Variants in DLG2 observed in about 807,000 individuals in gnomAD.
The protein encoded by DLG2 is disks large homolog 2.
DLG2 carries 45 observed loss-of-function variants against 132.5 expected under a neutral mutation model. That is an observed-to-expected ratio of 0.34 (90% CI 0.27 to 0.44). DLG2 has a LOEUF of 0.44. Among genes scored for constraint, DLG2 ranks in the 20% least tolerant of loss-of-function variants. The pLI, the probability that DLG2 is intolerant of heterozygous loss-of-function variation, is 1.00. For synonymous variants in DLG2, 424 were observed against 419.6 expected (o/e 1.01, Z -0.13); for missense variants, 1,045 against 1,196.9 (o/e 0.87, Z 1.87).
At chr11:84,263,381 G>C (rs1298447107) in intron 7 of DLG2, among the ~76,000 whole-genome samples, 1 of 152,116 alleles carries the variant, frequency 6.6e-6, no homozygotes, top group Non-Finnish European at 1.5e-5. Context: ...ATAGAAATTG[G>C]TTTCTAATGA....
At chr11:85,369,741 T>A (rs556985143) in intron 3 of DLG2, among the ~76,000 whole-genome samples, 1 of 152,238 alleles carries the variant, frequency 6.6e-6, no homozygotes, top group East Asian at 1.9e-4. Flanking sequence ...TATCTGCAGG[T>A]TTTCCTAGCC....
intron 14 of DLG2, among the ~76,000 whole-genome samples, chr11:83,947,437 C>CA (rs1473169253): frequency 5.3e-5 from 8 of 152,120 alleles, no homozygotes; most frequent in Non-Finnish European, 1.2e-4. Flanking sequence ...AATACAGGTA[C>CA]AAGTGTAGTG....
chr11:84,246,709 G>C lies in DLG2; in HGVS notation c.573+4529C>G, dbSNP rs75920521. Among the ~76,000 whole-genome samples the C allele has an allele frequency of 2.7e-3, 414 of 152,284 alleles. 15 individuals are homozygous for C. The East Asian group carries it at 0.075, about 27-fold the overall frequency. ...TATGGCCACAGTGCCTGATAGTTAA[G>C]ATGGAAAATTCATGTATATAGGATT... On this transcript the variant is annotated intron_variant, in intron 8 of 27. Coordinates refer to ENST00000376104, the MANE Select transcript of DLG2 (RefSeq NM_001142699.3).
intron 4 of DLG2, among the ~76,000 whole-genome samples, chr11:85,273,839 A>T (rs374650634): frequency 8.5e-5 from 13 of 152,256 alleles, no homozygotes; most frequent in East Asian, 7.7e-4. Context: ...ACAATATCAA[A>T]GACTTGGAAC....
intron 6 of DLG2, among the ~76,000 whole-genome samples, chr11:84,822,712 T>A (rs1327541255): frequency 1.3e-5 from 2 of 152,012 alleles, no homozygotes; most frequent in East Asian, 3.9e-4. Flanking sequence ...GAAGGACTGG[T>A]CTTTGGAAAC....
intron 6 of DLG2, among the ~76,000 whole-genome samples, chr11:84,722,268 C>T (rs1225462471): frequency 6.6e-6 from 1 of 152,120 alleles, no homozygotes; most frequent in African/African-American, 2.4e-5. Flanking sequence ...ACAACATAGT[C>T]AAAAGTATCC....
intron 7 of DLG2, among the ~76,000 whole-genome samples, chr11:84,301,651 CAAAAA>C (rs753899806): frequency 3.8e-5 from 1 of 26,596 alleles, no homozygotes; most frequent in East Asian, 1.0e-3. Flanking sequence ...AGGCGAGACT[CAAAAA>C]AAAAAAAAAA....
At chr11:85,037,625 T>C (rs908033344) in intron 6 of DLG2, among the ~76,000 whole-genome samples, 2 of 126,804 alleles carry the variant, frequency 1.6e-5, no homozygotes, top group African/African-American at 6.4e-5. Flanking sequence ...TCTTAAAACG[T>C]AAACCCTCTC....
chr11:83,987,026 T>C (rs1160831580), intron 11 of DLG2, among the ~76,000 whole-genome samples: 1 of 152,154 alleles, frequency 6.6e-6, no homozygotes. Flanking sequence ...TTCACTCTGA[T>C]GGTAGTTTCT....
At chr11:83,952,790 T>A (rs760416381) in intron 14 of DLG2, among the ~76,000 whole-genome samples, 1 of 152,134 alleles carries the variant, frequency 6.6e-6, no homozygotes, top group Non-Finnish European at 1.5e-5. Flanking sequence ...CAAGTAATTA[T>A]CTCTCTGTGG....
chr11:85,132,997 G>A, intron 5 of DLG2: 1 of 343,804 alleles, frequency 2.9e-6, no homozygotes, highest in South Asian at 2.2e-5. Context: ...CTAGGCACCA[G>A]AAAATCCCCT....
At chr11:83,906,102 T>TAC (rs1565583717) in intron 15 of DLG2, among the ~76,000 whole-genome samples, 30 of 75,148 alleles carry the variant, frequency 4.0e-4, no homozygotes, top group African/African-American at 1.9e-3. Context: ...TATATATATA[T>TAC]ATACATATAT....
At chr11:84,051,613 G>A (rs1264316884) in intron 11 of DLG2, among the ~76,000 whole-genome samples, 12 of 144,460 alleles carry the variant, frequency 8.3e-5, no homozygotes, top group South Asian at 2.3e-4. Context: ...ATCATACACC[G>A]GGGCCTGTTG....
At chr11:83,535,137 G>A (rs913841980) in intron 20 of DLG2, among the ~76,000 whole-genome samples, 12 of 152,118 alleles carry the variant, frequency 7.9e-5, no homozygotes, top group African/African-American at 2.7e-4. Context: ...ACCTTTTCTC[G>A]ATTTTAATCC....
At chr11:84,420,910 T>C (rs1017885103) in intron 7 of DLG2, among the ~76,000 whole-genome samples, 6 of 151,858 alleles carry the variant, frequency 4.0e-5, no homozygotes, top group East Asian at 2.0e-4. Flanking sequence ...CCTCGTGATC[T>C]GCCCGCCTCG....
intron 6 of DLG2, among the ~76,000 whole-genome samples, chr11:84,758,713 A>G (rs1009736473): frequency 6.6e-6 from 1 of 152,214 alleles, no homozygotes; most frequent in Admixed American, 6.5e-5. Flanking sequence ...TTAATATTAC[A>G]TAAATCCTAT....
Position 84,552,035 on chromosome 11 carries a change from G to C in DLG2, c.358-17304C>G, listed in dbSNP as rs529631743. ...GTGAAGGCCAAGATGGTTTACATTA[G>C]ACTGAGAGCTCCCTGATGAAAGCAG... On this transcript the variant is annotated intron_variant, in intron 6 of 27. Transcript: ENST00000376104. Among the ~76,000 whole-genome samples, 3 of 152,206 alleles carry C rather than the reference G, an allele frequency of 2.0e-5. No individual in the cohort carries two copies. In the South Asian group the frequency reaches 6.2e-4, roughly 32 times the overall value.
At chr11:84,265,327 T>G (rs2097605594) in intron 7 of DLG2, among the ~76,000 whole-genome samples, 1 of 151,092 alleles carries the variant, frequency 6.6e-6, no homozygotes, top group Admixed American at 6.6e-5. Flanking sequence ...TTCACATGAT[T>G]TTGTTAGACT....
intron 18 of DLG2, chr11:83,724,776 T>C (rs1244593097): frequency 1.4e-5 from 10 of 691,842 alleles, no homozygotes; most frequent in Non-Finnish European, 2.7e-5. Flanking sequence ...TCTGCTGCCC[T>C]CTTTTCATTT....
Sources: allele counts gnomAD v4.1 joint callset (sites outside exome capture counted in the v4.1 genomes callset), GRCh38; gene constraint gnomAD v4.1.1; transcripts MANE v1.5; gene names NCBI Gene and HGNC (gene_info 2026-07-23, HGNC 2026-07-21).